The following TOX variants were observed in gnomAD, a reference collection of about 807,000 sequenced individuals.
The protein encoded by TOX is thymocyte selection associated high mobility group box.
A neutral mutation model predicts 53.7 loss-of-function variants in TOX; 11 were observed. The observed-to-expected ratio is 0.20, with a 90% CI of 0.13 to 0.34. The LOEUF (loss-of-function observed/expected upper bound fraction) is 0.34. Ranked by LOEUF, TOX falls within the 10% of genes least tolerant of loss-of-function variation. The pLI, the probability that TOX is intolerant of heterozygous loss-of-function variation, is 1.00. For missense variants in TOX, 570 were observed against 664.6 expected (o/e 0.86, Z 1.56); for synonymous variants, 225 against 245.3 (o/e 0.92, Z 0.77).
rs531778103 is a variant in TOX, at chr8:58,925,022, T to C, written c.411+14280A>G. ...CCTACTTTCCAGAAGCAGCCCCAGA[T>C]GGCACATGGAGATGCACCTCGTGCA... On this transcript the variant is annotated intron_variant, in intron 3 of 8. Transcript: ENST00000361421. Among the ~76,000 whole-genome samples the C allele has an allele frequency of 7.0e-4, 106 of 152,294 alleles. 1 individual carries two copies. Among genetic ancestry groups the C allele is most frequent in the African/African-American group, 2.4e-3 (98 of 41,572 alleles).
chr8:58,841,708 T>C, intron 4 of TOX, among the ~76,000 whole-genome samples: 1 of 152,218 alleles, frequency 6.6e-6, no homozygotes. Context: ...GGTTAATTAG[T>C]TTATTGTGGT....
intron 3 of TOX, among the ~76,000 whole-genome samples, chr8:58,885,251 C>T (rs1210153851): frequency 6.6e-6 from 1 of 152,124 alleles, no homozygotes; most frequent in Non-Finnish European, 1.5e-5. Context: ...GCAGTAATCT[C>T]ATAATTACTG....
At chr8:58,931,568 C>T (rs963339343) in intron 3 of TOX, among the ~76,000 whole-genome samples, 3 of 152,118 alleles carry the variant, frequency 2.0e-5, no homozygotes, top group South Asian at 2.1e-4. Flanking sequence ...TAAGGAACTT[C>T]CTGGAAAGAA....
chr8:59,083,916 A>AGTTAAAAT (rs1373510706), intron 1 of TOX, among the ~76,000 whole-genome samples: 1 of 152,154 alleles, frequency 6.6e-6, no homozygotes, highest in Non-Finnish European at 1.5e-5. Flanking sequence ...TTTAACTTTA[A>AGTTAAAAT]GTTAAAAATA....
intron 1 of TOX, among the ~76,000 whole-genome samples, chr8:58,960,960 C>A (rs1013427614): frequency 2.6e-5 from 4 of 152,190 alleles, no homozygotes; most frequent in Non-Finnish European, 1.5e-5. Flanking sequence ...TCTGAATATA[C>A]TTTCATTGGT....
At chr8:59,070,293 C>T (rs1322476064) in intron 1 of TOX, among the ~76,000 whole-genome samples, 1 of 152,146 alleles carries the variant, frequency 6.6e-6, no homozygotes. Context: ...CTTATACCTA[C>T]ACAGTGACAA....
At chr8:58,962,916 C>A (rs995052260) in intron 1 of TOX, among the ~76,000 whole-genome samples, 2 of 152,286 alleles carry the variant, frequency 1.3e-5, no homozygotes, top group South Asian at 2.1e-4. Context: ...AAACATTCTT[C>A]TGGGTGTGTC....
chr8:59,092,086 C>T (rs1804616166), intron 1 of TOX, among the ~76,000 whole-genome samples: 1 of 150,790 alleles, frequency 6.6e-6, no homozygotes. Context: ...CCTGTCTCTA[C>T]TAAAAATACA....
intron 1 of TOX, among the ~76,000 whole-genome samples, chr8:59,010,436 G>A (rs971331665): frequency 2.0e-5 from 3 of 152,144 alleles, no homozygotes; most frequent in East Asian, 1.9e-4. Flanking sequence ...TATTGCATAC[G>A]ATTTTAAGAG....
chr8:58,958,271 G>C (rs570871133), intron 2 of TOX, among the ~76,000 whole-genome samples: 1 of 152,202 alleles, frequency 6.6e-6, no homozygotes, highest in South Asian at 2.1e-4. Context: ...CATTGTACTT[G>C]AATTTTAAAA....
chr8:59,114,745 A>G (rs1805073840), intron 1 of TOX, among the ~76,000 whole-genome samples: 1 of 152,008 alleles, frequency 6.6e-6, no homozygotes, highest in African/African-American at 2.4e-5. Context: ...CCTTTTTCTT[A>G]CATTTACTGT....
intron 1 of TOX, among the ~76,000 whole-genome samples, chr8:59,054,601 A>G (rs1057090348): frequency 6.6e-6 from 1 of 152,210 alleles, no homozygotes; most frequent in African/African-American, 2.4e-5. Context: ...CATTTCCAGG[A>G]ACAACAATTA....
At chr8:58,868,940 C>T (rs1354981561) in intron 3 of TOX, among the ~76,000 whole-genome samples, 1 of 150,610 alleles carries the variant, frequency 6.6e-6, no homozygotes. Flanking sequence ...TCTAGACAGG[C>T]TAGTCAACAA....
At chr8:59,007,660 TG>T (rs201060367) in intron 1 of TOX, among the ~76,000 whole-genome samples, 3 of 152,034 alleles carry the variant, frequency 2.0e-5, no homozygotes, top group Non-Finnish European at 4.4e-5. Context: ...GGAGTAATGT[TG>T]GGGGGGAAAT....
intron 1 of TOX, among the ~76,000 whole-genome samples, chr8:58,984,109 A>G (rs771892933): frequency 6.6e-6 from 1 of 152,236 alleles, no homozygotes; most frequent in Non-Finnish European, 1.5e-5. Flanking sequence ...GGATTTGGCA[A>G]TGATTTCTCT....
Position 58,935,893 on chromosome 8 carries a change from G to A in TOX, c.411+3409C>T, listed in dbSNP as rs540363472. Reference sequence around the variant, plus strand: ...AATGTAAAATATGAAAAGACAAAATGTTGTTCATCTTTAGATCCATACATA... The same window carrying A: ...AATGTAAAATATGAAAAGACAAAATATTGTTCATCTTTAGATCCATACATA... On this transcript the variant is annotated intron_variant, in intron 3 of 8. Coordinates refer to ENST00000361421, the MANE Select transcript of TOX (RefSeq NM_014729.3). Among the ~76,000 whole-genome samples the A allele has an allele frequency of 6.6e-5, 10 of 152,290 alleles. No homozygotes were observed. The South Asian group carries it at 1.9e-3, about 28-fold the overall frequency.
chr8:58,838,875 G>A (rs1318992529), intron 4 of TOX, among the ~76,000 whole-genome samples: 1 of 151,634 alleles, frequency 6.6e-6, no homozygotes, highest in Non-Finnish European at 1.5e-5. Context: ...CTAATTTTTT[G>A]TATTTTAGTA....
chr8:58,826,378 G>A (rs938868092), intron 6 of TOX, among the ~76,000 whole-genome samples: 17 of 152,188 alleles, frequency 1.1e-4, no homozygotes, highest in African/African-American at 3.9e-4. Context: ...TTTAAGCGGT[G>A]TTTTTATTTT....
chr8:58,832,064 A>C lies in TOX; in HGVS notation c.925-5162T>G, dbSNP rs1810463462. On this transcript the variant is annotated intron_variant, in intron 5 of 8. Coordinates refer to ENST00000361421, the MANE Select transcript of TOX (RefSeq NM_014729.3). ...ATGTGTAAAACAAATGCTTATGCCC[A>C]TAAAGGCATGTAAGAATCACATTTA... is the stretch of plus-strand genomic sequence containing the variant. Among the ~76,000 whole-genome samples, 5 of 150,562 alleles carry C rather than the reference A, an allele frequency of 3.3e-5. No homozygotes were observed. In the South Asian group the frequency reaches 1.0e-3, roughly 31 times the overall value.
Sources: allele counts gnomAD v4.1 joint callset (sites outside exome capture counted in the v4.1 genomes callset), GRCh38; gene constraint gnomAD v4.1.1; transcripts MANE v1.5; gene names NCBI Gene and HGNC (gene_info 2026-07-23, HGNC 2026-07-21).